The following MATN2 variants were observed in gnomAD, a reference collection of about 807,000 sequenced individuals.
MATN2 encodes the protein matrilin 2, also known as matrilin-2.
A neutral mutation model predicts 103.2 loss-of-function variants in MATN2; 69 were observed. The ratio of observed to expected loss-of-function variants is 0.67; its 90% CI spans 0.55 to 0.82. The LOEUF is 0.82. Among genes scored for constraint, MATN2 ranks in the 40% least tolerant of loss-of-function variants. MATN2 has a pLI of 0.00. For missense variants in MATN2, 1,023 were observed against 1,211.5 expected, an observed-to-expected ratio of 0.84 and a Z score of 2.31; for synonymous variants, 429 against 450.2, an observed-to-expected ratio of 0.95 and a Z score of 0.60.
intron 2 of MATN2, among the ~76,000 whole-genome samples, chr8:97,888,713 A>G (rs888395874): frequency 9.9e-5 from 15 of 152,226 alleles, no homozygotes; most frequent in African/African-American, 3.6e-4. Flanking sequence ...CATCTGATCC[A>G]GTGAACATTT....
chr8:98,022,544 G>A (rs1333314684), intron 13 of MATN2, among the ~76,000 whole-genome samples: 2 of 152,064 alleles, frequency 1.3e-5, no homozygotes, highest in Admixed American at 6.5e-5. Flanking sequence ...GGGGATCTTT[G>A]TAGAAAAAAA....
At position 98,033,659 on chromosome 8, in the gene MATN2, T is replaced by C. The variant is rs374854256; in HGVS notation, c.2815T>C (p.Leu939=). Residue 939 remains leucine, a splice_region_variant and synonymous_variant, in exon 18 of 19, where the codon TTA becomes CTA. Transcript: ENST00000254898. ...NEEVRKLTQR[L]EEMTQRMEAL... ...AGAAGTAAGAAAATTAACACAGCGC[T>C]ATATCCTTTTCTTGCATTATGCTTC... The C allele has an allele frequency of 8.3e-6, 13 of 1,562,796 alleles. No homozygotes were observed. The African/African-American group carries it at 1.5e-4, about 18-fold the overall frequency.
At position 98,003,688 on chromosome 8, in the gene MATN2, C is replaced by T. The variant is rs566413234; in HGVS notation, c.1232C>T (p.Pro411Leu). ...RRINYCALNK[P>L]GCEHECVNME... Reference sequence around the variant, plus strand: ...ATCAACTACTGTGCACTGAACAAACCGGGCTGTGAGCATGAGTGCGTCAAC... The same window carrying T: ...ATCAACTACTGTGCACTGAACAAACTGGGCTGTGAGCATGAGTGCGTCAAC... The change falls in exon 8 of 19, where the codon CCG (proline) becomes CTG (leucine). Residue 411 changes from proline (P) to leucine (L), a missense_variant. Pro to Leu is a moderately conservative substitution (Grantham distance 98). Coordinates refer to ENST00000254898, the MANE Select transcript of MATN2 (RefSeq NM_002380.5). 46 of 1,613,700 alleles carry T rather than the reference C, an allele frequency of 2.9e-5. No homozygotes were observed. The highest frequency in any genetic ancestry group is 4.0e-5 in the African/African-American group (3 of 74,918).
rs1173795335 is a variant in MATN2, at chr8:98,033,648, T to G, written c.2804T>G (p.Leu935Ter). Residue 935 changes from leucine (L) to a stop codon, truncating the protein, a stop_gained, in exon 18 of 19, where the codon TTA becomes TGA. Coordinates refer to ENST00000254898, the MANE Select transcript of MATN2 (RefSeq NM_002380.5). LOFTEE classifies it high-confidence loss of function. Reference protein sequence around the residue: ...QNLANEEVRKLTQRLEEMTQR... With the variant: ...QNLANEEVRK Reference sequence around the variant, plus strand: ...CTTGCAAACGAAGAAGTAAGAAAATTAACACAGCGCTATATCCTTTTCTTG... The same window carrying G: ...CTTGCAAACGAAGAAGTAAGAAAATGAACACAGCGCTATATCCTTTTCTTG... The G allele has an allele frequency of 1.9e-6, 3 of 1,597,322 alleles. No individual in the cohort carries two copies. In the Admixed American group the frequency reaches 5.1e-5, roughly 27 times the overall value.
rs768615161 is a variant in MATN2 at position 97,961,483 on chromosome 8, A to G, written c.911A>G (p.Gln304Arg). 2 of 1,613,830 alleles carry G rather than the reference A, an allele frequency of 1.2e-6. No homozygotes were observed. The highest frequency in any genetic ancestry group is 2.2e-5 in the South Asian group (2 of 91,048). ...CVNVPGSFVC[Q>R]CYSGYALAED... ...AATGTGCCGGGCTCCTTCGTCTGCC[A>G]GTGCTACAGTGGCTACGCCCTGGCT... The change falls in exon 5 of 19, where the codon CAG becomes CGG. Residue 304 changes from glutamine (Q) to arginine (R), a missense_variant. By Grantham distance (43) the Gln-to-Arg change is conservative (BLOSUM62 1). Coordinates refer to ENST00000254898, the MANE Select transcript of MATN2 (RefSeq NM_002380.5).
chr8:98,026,132 T>C (rs957100637), intron 13 of MATN2, among the ~76,000 whole-genome samples: 1 of 124,422 alleles, frequency 8.0e-6, no homozygotes, highest in Admixed American at 1.0e-4. Flanking sequence ...TGAGCCAAGA[T>C]CACACCATTG....
At chr8:97,945,962 A>G (rs138833881) in intron 4 of MATN2, among the ~76,000 whole-genome samples, 2 of 152,260 alleles carry the variant, frequency 1.3e-5, no homozygotes, top group African/African-American at 4.8e-5. Context: ...AGCTTGGATC[A>G]GCGGTTGAGC....
chr8:97,997,302 A>T (rs1331281931), intron 7 of MATN2, among the ~76,000 whole-genome samples: 2 of 152,222 alleles, frequency 1.3e-5, no homozygotes, highest in Non-Finnish European at 2.9e-5. Flanking sequence ...CATATTGGTT[A>T]TGTGACCCTG....
At chr8:97,992,582 C>G (rs1488083772) in intron 6 of MATN2, among the ~76,000 whole-genome samples, 7 of 151,578 alleles carry the variant, frequency 4.6e-5, no homozygotes, top group Admixed American at 1.3e-4. Flanking sequence ...CCCATCTCCA[C>G]TAAAAATACA....
At chr8:97,966,223 G>A (rs2130273663) in intron 5 of MATN2, among the ~76,000 whole-genome samples, 1 of 152,086 alleles carries the variant, frequency 6.6e-6, no homozygotes. Flanking sequence ...GGCTGTGAGA[G>A]TGATGGCAAC....
chr8:97,930,020 A>T (rs1368975497), intron 2 of MATN2, among the ~76,000 whole-genome samples: 1 of 152,152 alleles, frequency 6.6e-6, no homozygotes, highest in Non-Finnish European at 1.5e-5. Flanking sequence ...ACAAGGTCTC[A>T]TCACTTATTC....
intron 7 of MATN2, among the ~76,000 whole-genome samples, chr8:98,001,293 TTCTG>T (rs1812777005): frequency 6.6e-6 from 1 of 152,190 alleles, no homozygotes; most frequent in Admixed American, 6.5e-5. Flanking sequence ...CCCAGACTCT[TTCTG>T]TCTTTCTATT....
At chr8:97,935,211 C>A (rs1056866058) in intron 3 of MATN2, among the ~76,000 whole-genome samples, 3 of 152,076 alleles carry the variant, frequency 2.0e-5, no homozygotes, top group African/African-American at 7.2e-5. Context: ...TGTCACTATA[C>A]CTGGCTCTAT....
chr8:97,996,218 G>A (rs1056794906), intron 7 of MATN2, among the ~76,000 whole-genome samples: 10 of 152,138 alleles, frequency 6.6e-5, no homozygotes, highest in African/African-American at 2.4e-4. Context: ...TTTTCTTGAC[G>A]TTCTGCATGT....
intron 2 of MATN2, among the ~76,000 whole-genome samples, chr8:97,896,128 AG>A (rs1818798904): frequency 6.6e-6 from 1 of 152,188 alleles, no homozygotes; most frequent in Non-Finnish European, 1.5e-5. Flanking sequence ...GGTCCTGCCC[AG>A]GGCTCAGTGT....
intron 7 of MATN2, among the ~76,000 whole-genome samples, chr8:98,000,083 G>T (rs1471560680): frequency 6.6e-6 from 1 of 151,334 alleles, no homozygotes; most frequent in African/African-American, 2.4e-5. Context: ...CTTTCACCAT[G>T]TTGGCCAGGC....
At chr8:97,943,772 G>T (rs1001347058) in intron 4 of MATN2, among the ~76,000 whole-genome samples, 4 of 152,146 alleles carry the variant, frequency 2.6e-5, no homozygotes, top group Admixed American at 2.0e-4. Flanking sequence ...CTTCTTAGGA[G>T]CACAAGGAAT....
intron 2 of MATN2, among the ~76,000 whole-genome samples, chr8:97,912,760 C>T (rs182347494): frequency 1.3e-5 from 2 of 152,068 alleles, no homozygotes; most frequent in East Asian, 1.9e-4. Context: ...TGTTCCACCC[C>T]GTTTGCCGAC....
At chr8:97,919,770 G>A (rs1342833244) in intron 2 of MATN2, among the ~76,000 whole-genome samples, 6 of 152,084 alleles carry the variant, frequency 3.9e-5, no homozygotes, top group South Asian at 2.1e-4. Flanking sequence ...GCACTAGGCC[G>A]GGTACTAGGG....
Sources: allele counts gnomAD v4.1 joint callset (sites outside exome capture counted in the v4.1 genomes callset), GRCh38; gene constraint gnomAD v4.1.1; transcripts MANE v1.5; gene names NCBI Gene and HGNC (gene_info 2026-07-23, HGNC 2026-07-21).